Variants in GAS2 observed in about 807,000 individuals in gnomAD.
GAS2 encodes growth arrest-specific protein 2.
In GAS2, 20 loss-of-function variants were observed where a neutral mutation model predicts 37.5. That is an observed-to-expected ratio of 0.53 (90% CI 0.37 to 0.77). The LOEUF (loss-of-function observed/expected upper bound fraction) is 0.77. Ranked by LOEUF, GAS2 falls within the 30% of genes least tolerant of loss-of-function variation. GAS2 has a pLI of 0.00. For synonymous variants in GAS2, 144 were observed against 132.2 expected (o/e 1.09, Z -0.61); for missense variants, 336 against 373.4 (o/e 0.90, Z 0.82).
chr11:22,696,813 G>GT (rs1850543988), intron 3 of GAS2, among the ~76,000 whole-genome samples: 2 of 150,276 alleles, frequency 1.3e-5, no homozygotes, highest in African/African-American at 2.4e-5. Flanking sequence ...TTGTAAATTT[G>GT]TTTGAGTTCA....
chr11:22,702,019 AATG>A (rs1249265312), intron 3 of GAS2, among the ~76,000 whole-genome samples: 1 of 152,164 alleles, frequency 6.6e-6, no homozygotes, highest in Non-Finnish European at 1.5e-5. Context: ...TTAAATCAAA[AATG>A]ATACTAATTA....
At chr11:22,756,336 A>G (rs953462667) in intron 7 of GAS2, among the ~76,000 whole-genome samples, 1 of 152,142 alleles carries the variant, frequency 6.6e-6, no homozygotes, top group Non-Finnish European at 1.5e-5. Context: ...ATAGAGATAC[A>G]TTCCTAGAAA....
In GAS2 at chr11:22,697,147, T is replaced by C. The variant is rs574187092; in HGVS notation, c.267+11358T>C. On this transcript the variant is annotated intron_variant, in intron 3 of 7. Transcript: ENST00000454584. ...AAGGTGTAAGGAAGGAATCCAATTT[T>C]AGCTTTCTACATATGGCTAGCCAGT... Among the ~76,000 whole-genome samples the C allele has an allele frequency of 8.5e-5, 13 of 152,304 alleles. No homozygotes were observed. In the South Asian group the frequency reaches 1.0e-3, roughly 12 times the overall value.
chr11:22,669,839 C>T (rs900932637), intron 1 of GAS2, among the ~76,000 whole-genome samples: 2 of 152,260 alleles, frequency 1.3e-5, no homozygotes, highest in African/African-American at 2.4e-5. Flanking sequence ...GGTCCCATTA[C>T]GAGGTCTGAA....
chr11:22,673,079 C>T (rs140577965), intron 1 of GAS2, among the ~76,000 whole-genome samples: 137 of 151,868 alleles, frequency 9.0e-4, no homozygotes, highest in African/African-American at 3.0e-3. Flanking sequence ...AAAAATTACT[C>T]GACAGTAATT....
At chr11:22,754,401 A>T (rs553648492) in intron 6 of GAS2, among the ~76,000 whole-genome samples, 1 of 152,216 alleles carries the variant, frequency 6.6e-6, no homozygotes, top group South Asian at 2.1e-4. Flanking sequence ...ATATGCTATG[A>T]TAAAAATAAG....
At chr11:22,697,394 T>A (rs1451525992) in intron 3 of GAS2, among the ~76,000 whole-genome samples, 1 of 152,210 alleles carries the variant, frequency 6.6e-6, no homozygotes, top group Admixed American at 6.5e-5. Flanking sequence ...TCCAGCTTTG[T>A]TATTTTGGCT....
At chr11:22,723,309 C>T (rs1373217095) in intron 3 of GAS2, among the ~76,000 whole-genome samples, 1 of 151,972 alleles carries the variant, frequency 6.6e-6, no homozygotes, top group South Asian at 2.1e-4. Context: ...CTTAAAATGA[C>T]TTACCTGTCT....
intron 1 of GAS2, among the ~76,000 whole-genome samples, chr11:22,642,305 A>G (rs1203673137): frequency 6.6e-6 from 1 of 152,188 alleles, no homozygotes; most frequent in East Asian, 1.9e-4. Flanking sequence ...GAAAATTTTG[A>G]TGAAGAATCA....
chr11:22,649,466 T>A (rs1590569417), intron 1 of GAS2, among the ~76,000 whole-genome samples: 1 of 152,264 alleles, frequency 6.6e-6, no homozygotes, highest in East Asian at 1.9e-4. Context: ...CTTTTTCTAT[T>A]GATTGGAATA....
At chr11:22,709,222 C>T (rs1260927662) in intron 3 of GAS2, among the ~76,000 whole-genome samples, 2 of 32,194 alleles carry the variant, frequency 6.2e-5, no homozygotes, top group Non-Finnish European at 2.6e-4. Context: ...AAAAAAAAAC[C>T]ACAGAAGACA....
At chr11:22,652,885 C>G (rs973009287) in intron 1 of GAS2, among the ~76,000 whole-genome samples, 1 of 152,328 alleles carries the variant, frequency 6.6e-6, no homozygotes, top group Middle Eastern at 3.4e-3. Flanking sequence ...CCGTCTTCTG[C>G]GTCGCTCACG....
chr11:22,639,442 T>G (rs1296331652), intron 1 of GAS2, among the ~76,000 whole-genome samples: 1 of 152,234 alleles, frequency 6.6e-6, no homozygotes, highest in African/African-American at 2.4e-5. Context: ...CCTTTCTTTC[T>G]AAATTACCAG....
At chr11:22,718,011 T>C (rs1212468809) in intron 3 of GAS2, among the ~76,000 whole-genome samples, 1 of 152,078 alleles carries the variant, frequency 6.6e-6, no homozygotes, top group South Asian at 2.1e-4. Context: ...CACTTTTTTT[T>C]ACTGCTGGTG....
chr11:22,770,698 C>A (rs2134424415), intron 7 of GAS2, among the ~76,000 whole-genome samples: 1 of 152,238 alleles, frequency 6.6e-6, no homozygotes, highest in East Asian at 1.9e-4. Flanking sequence ...CCAACGTAGC[C>A]TGTGATTCTC....
At position 22,690,234 on chromosome 11, in the gene GAS2, G is replaced by A. The variant is rs149974430; in HGVS notation, c.267+4445G>A. On this transcript the variant is annotated intron_variant, in intron 3 of 7. Transcript: ENST00000454584. The stretch of plus-strand genomic sequence containing the variant: ...TTAAATCTTTAATAAATGTTAGTTC[G>A]CATATTTAATATTTTAGATATTTAG... Among the ~76,000 whole-genome samples the A allele has an allele frequency of 1.8e-3, 278 of 151,964 alleles. 2 individuals are homozygous for A. Among genetic ancestry groups the A allele is most frequent in the African/African-American group, 6.3e-3 (263 of 41,466 alleles).
intron 1 of GAS2, among the ~76,000 whole-genome samples, chr11:22,627,622 A>C (rs930552389): frequency 6.6e-6 from 1 of 152,096 alleles, no homozygotes; most frequent in Non-Finnish European, 1.5e-5. Flanking sequence ...AACAAACAAA[A>C]AAATTAGCTG....
At chr11:22,806,103 A>C (rs1829985424) in intron 7 of GAS2, among the ~76,000 whole-genome samples, 1 of 152,136 alleles carries the variant, frequency 6.6e-6, no homozygotes, top group Non-Finnish European at 1.5e-5. Flanking sequence ...ACCATCTGGG[A>C]ATGCAGCCCA....
chr11:22,632,509 C>G (rs1858757415), intron 1 of GAS2, among the ~76,000 whole-genome samples: 1 of 152,056 alleles, frequency 6.6e-6, no homozygotes, highest in African/African-American at 2.4e-5. Context: ...TTTTAGATAG[C>G]CTGATGACTT....
Sources: gnomAD v4.1 joint callset for allele counts (sites outside exome capture counted in the v4.1 genomes callset) on GRCh38, gnomAD v4.1.1 for gene constraint, MANE v1.5 for transcripts, NCBI Gene and HGNC (gene_info 2026-07-23, HGNC 2026-07-21) for gene names.